The following GSK3A variants were observed in gnomAD, a reference collection of about 807,000 sequenced individuals.
GSK3A encodes the protein glycogen synthase kinase 3 alpha, also known as glycogen synthase kinase-3 alpha.
A neutral mutation model predicts 56.6 loss-of-function variants in GSK3A; 14 were observed. That is an observed-to-expected ratio of 0.25 (90% CI 0.16 to 0.39). The LOEUF (loss-of-function observed/expected upper bound fraction) is 0.39. Among genes scored for constraint, GSK3A ranks in the 10% least tolerant of loss-of-function variants. The pLI, the probability that GSK3A is intolerant of heterozygous loss-of-function variation, is 1.00. For synonymous variants in GSK3A, 301 were observed against 285.0 expected, an observed-to-expected ratio of 1.06 and a Z score of -0.56; for missense variants, 450 against 656.0, an observed-to-expected ratio of 0.69 and a Z score of 3.43.
rs190826917 is a variant in GSK3A at position 42,233,040 on chromosome 19, A to G, written c.1098+70T>C. 1.6e-3 allele frequency: 1,563 copies of G among 980,300 alleles called. 2 individuals are homozygous for G. Among genetic ancestry groups the G allele is most frequent in the Non-Finnish European group, 2.0e-3 (1,303 of 651,460 alleles). 60.7% of individuals were successfully genotyped at this position (980,300 alleles called of 1,614,324 possible). ...AAGCCGTGATTCTGAGGCTAGGTCC[A>G]CAGAACAGTTGACCTCCAAGGGGGA... On this transcript the variant is annotated intron_variant, in intron 8 of 10. Coordinates refer to ENST00000222330, the MANE Select transcript of GSK3A (RefSeq NM_019884.3).
Position 42,236,666 on chromosome 19 carries a change from C to T in GSK3A, c.606G>A (p.Val202=). ...TGGTGAAGTGGCGGGCCACCCGGTA[C>T]ACTGTCTCGGGCACATATTCCAGCA... ...NLVLEYVPET[V]YRVARHFTKA... is the part of the protein sequence containing the mutation. The change falls in exon 4 of 11, where the codon GTG becomes GTA. Residue 202 remains valine, a synonymous_variant. Transcript: ENST00000222330. The T allele has an allele frequency of 2.5e-6, 4 of 1,614,050 alleles. No homozygotes were observed. The South Asian group carries it at 4.4e-5, about 18-fold the overall frequency.
chr19:42,238,586 G>A (rs2036272648), intron 2 of GSK3A, among the ~76,000 whole-genome samples: 2 of 117,334 alleles, frequency 1.7e-5, no homozygotes, highest in Admixed American at 1.2e-4. Flanking sequence ...CAGCCTGGGT[G>A]ACAGCATGAG....
In GSK3A at chr19:42,234,707, T is replaced by G; in HGVS notation, c.667-29A>C. ...CGGCGGGCACAGGATAGCAGAACTT[T>G]AGCCCAGCTTTCCCCATACAGCACC... On this transcript the variant is annotated intron_variant, in intron 4 of 10. Transcript: ENST00000222330. The surrounding 1 kb of genome is among the most constrained non-coding windows in gnomAD (Gnocchi z 5.7). 6.6e-7 allele frequency: 1 copy of G among 1,524,510 alleles called. No homozygotes were observed. Among genetic ancestry groups the G allele is most frequent in the Non-Finnish European group, 8.8e-7 (1 of 1,130,226 alleles). 94.4% of individuals were successfully genotyped at this position (1,524,510 alleles called of 1,614,324 possible).
chr19:42,230,840 T>A lies in GSK3A; in HGVS notation c.1406A>T (p.Asp469Val). ...QALTETPTSSDWQSTDATPTL... is the reference protein window; with the variant it reads ...QALTETPTSSVWQSTDATPTL... ...AGGTGTGGCATCGGTCGACTGCCAG[T>A]CTGAGCTGGTCGGAGTCTCAGTTAA... The change falls in exon 11 of 11, where the codon GAC becomes GTC. Residue 469 changes from aspartate to valine, a missense_variant. Asp to Val is a radical substitution (Grantham distance 152). Around this residue, in one of 3 missense-constraint regions of GSK3A, gnomAD observed 113 missense variants for 147.5 expected, o/e 0.77. Transcript: ENST00000222330. 6.4e-7 allele frequency: 1 copy of A among 1,562,162 alleles called. No homozygotes were observed. The highest frequency in any genetic ancestry group is 8.7e-7 in the Non-Finnish European group (1 of 1,152,782).
intron 2 of GSK3A, among the ~76,000 whole-genome samples, chr19:42,239,271 G>C (rs2036277136): frequency 6.6e-6 from 1 of 152,292 alleles, no homozygotes; most frequent in South Asian, 2.1e-4. Context: ...TCCTGCCCAA[G>C]GGCCCTCCCT....
intron 2 of GSK3A, among the ~76,000 whole-genome samples, chr19:42,239,123 A>G (rs955842602): frequency 1.1e-4 from 17 of 152,158 alleles, no homozygotes; most frequent in Admixed American, 8.5e-4. Context: ...GACTCCAGGC[A>G]TTGGACTTTT....
rs2036214087 is a variant in GSK3A, at chr19:42,230,302, G to A, written c.*492C>T. 6.2e-6 allele frequency: 1 copy of A among 162,030 alleles called. No homozygotes were observed. The highest frequency in any genetic ancestry group is 1.8e-4 in the East Asian group (1 of 5,620). 10.0% of individuals were successfully genotyped at this position (162,030 alleles called of 1,614,324 possible). A position where few individuals can be genotyped will look rare whatever the true frequency, so the allele number is the denominator to read the frequency against. ...CCCTGGCCCTCCAGGGTGGGGTGAG[G>A]AGGGAGTAGACCTTGGGGGCAGAGG... On this transcript the variant is annotated 3_prime_UTR_variant, in exon 11 of 11. Coordinates refer to ENST00000222330, the MANE Select transcript of GSK3A (RefSeq NM_019884.3).
At chr19:42,241,845 T>C in intron 1 of GSK3A, 1 of 222,088 alleles carries the variant, frequency 4.5e-6, no homozygotes, top group African/African-American at 2.3e-5. Flanking sequence ...AGATCCCCAT[T>C]TGCAAGCGAC....
At position 42,239,757 on chromosome 19, in the gene GSK3A, A is replaced by G. The variant is rs1289554747; in HGVS notation, c.471+198T>C. ...AAGAATTTGCTTATTAAGCACTTAC[A>G]TTGAGCAAATGCCCAGTAAAAGCTC... On this transcript the variant is annotated intron_variant, in intron 2 of 10. Transcript: ENST00000222330. Among the ~76,000 whole-genome samples, 7 of 152,294 alleles carry G rather than the reference A, an allele frequency of 4.6e-5. No homozygotes were observed. The South Asian group carries it at 1.4e-3, about 32-fold the overall frequency.
chr19:42,239,524 G>A (rs374297456), intron 2 of GSK3A, among the ~76,000 whole-genome samples: 6 of 152,094 alleles, frequency 3.9e-5, no homozygotes, highest in African/African-American at 1.4e-4. Flanking sequence ...AGCCCTGCCA[G>A]GTCCCTTTCT....
intron 4 of GSK3A, 77 bp downstream of exon 4, chr19:42,236,529 G>T: frequency 2.3e-6 from 2 of 873,462 alleles, no homozygotes; most frequent in Non-Finnish European, 2.0e-6. Context: ...GCGGATGAGG[G>T]ATCCCATAAA....
rs756593040 is a variant in GSK3A at position 42,234,676 on chromosome 19, C to T, written c.669G>A (p.Val223=). Residue 223 remains valine, a splice_region_variant and synonymous_variant, in exon 5 of 11, where the codon GTG becomes GTA. Transcript: ENST00000222330. The surrounding 1 kb of genome is among the most constrained non-coding windows in gnomAD (Gnocchi z 5.7). ...KLTIPILYVK[V]YMYQLFRSLA... is the part of the protein sequence containing the mutation. ...AGCTGCGGAAGAGCTGGTACATGTA[C>T]ACCTGCGGCGGGCACAGGATAGCAG... The T allele has an allele frequency of 6.3e-6, 10 of 1,593,514 alleles. 1 individual carries two copies. In the South Asian group the frequency reaches 1.1e-4, roughly 18 times the overall value.
chr19:42,232,416 G>C, intron 9 of GSK3A, 80 bp downstream of exon 9: 1 of 1,349,282 alleles, frequency 7.4e-7, no homozygotes, highest in Non-Finnish European at 1.0e-6. Context: ...CCCCACTCCT[G>C]CTTCAACACC....
intron 1 of GSK3A, chr19:42,241,256 A>G (rs2036289855): frequency 6.6e-6 from 1 of 152,046 alleles, no homozygotes; most frequent in Non-Finnish European, 1.5e-5. Context: ...TCAGCCTCCC[A>G]AAGTGCTGGG....
intron 4 of GSK3A, 33 bp downstream of exon 4, chr19:42,236,573 G>T (rs2036258457): frequency 1.5e-6 from 2 of 1,323,864 alleles, no homozygotes; most frequent in Non-Finnish European, 2.2e-6. Context: ...GGCTTTGTGG[G>T]CCTGGGTCCC....
intron 1 of GSK3A, chr19:42,241,604 C>G (rs968381996): frequency 6.6e-6 from 1 of 152,168 alleles, no homozygotes; most frequent in Non-Finnish European, 1.5e-5. Context: ...TACAGCTCAA[C>G]AAGATTTAGG....
intron 1 of GSK3A, 34 bp from the exon 2 acceptor site, chr19:42,240,176 C>A (rs1330968261): frequency 7.5e-6 from 12 of 1,592,262 alleles, no homozygotes; most frequent in Non-Finnish European, 1.0e-5. Flanking sequence ...ATCCACTGAC[C>A]CATCCTGCCT....
chr19:42,231,145 A>G (rs1392326157), intron 10 of GSK3A, among the ~76,000 whole-genome samples: 1 of 151,840 alleles, frequency 6.6e-6, no homozygotes, highest in Non-Finnish European at 1.5e-5. Context: ...GCAGATCACA[A>G]GGTCAGCAGT....
At position 42,242,175 on chromosome 19, in the gene GSK3A, G is replaced by A. The variant is rs1356448831; in HGVS notation, c.283+8C>T. The A allele has an allele frequency of 4.3e-6, 6 of 1,398,424 alleles. No homozygotes were observed. Among genetic ancestry groups the A allele is most frequent in the Admixed American group, 3.1e-5 (1 of 32,652 alleles). 86.6% of individuals were successfully genotyped at this position (1,398,424 alleles called of 1,614,324 possible). The stretch of plus-strand genomic sequence containing the variant: ...TCACCACCCTACACGGGCGCCACTA[G>A]TACTCACGGCCCAGCTTCACCCCGG... On this transcript the variant is annotated splice_region_variant and intron_variant, in intron 1 of 10. Coordinates refer to ENST00000222330, the MANE Select transcript of GSK3A (RefSeq NM_019884.3).
Sources: gnomAD v4.1 joint callset for allele counts (sites outside exome capture counted in the v4.1 genomes callset) on GRCh38, gnomAD v4.1.1 for gene constraint, gnomAD v4.1.1 regional missense constraint, Gnocchi (gnomAD v3.1) non-coding constraint, MANE v1.5 for transcripts, NCBI Gene and HGNC (gene_info 2026-07-23, HGNC 2026-07-21) for gene names.